CAMK2D: variants seen among roughly 807,000 people sequenced by gnomAD.
CAMK2D encodes the protein calcium/calmodulin-dependent protein kinase type II subunit delta.
CAMK2D carries 37 observed loss-of-function variants against 84.0 expected under a neutral mutation model. The ratio of observed to expected loss-of-function variants is 0.44; its 90% CI spans 0.34 to 0.58. The LOEUF is 0.58. Ranked by LOEUF, CAMK2D falls within the 20% of genes least tolerant of loss-of-function variation. The probability of loss-of-function intolerance (pLI) is 0.02; values close to 1 mark genes in which losing one functional copy is unlikely to be tolerated. For missense variants in CAMK2D, 448 were observed against 652.5 expected, an observed-to-expected ratio of 0.69 and a Z score of 3.41; for synonymous variants, 202 against 212.5, an observed-to-expected ratio of 0.95 and a Z score of 0.43.
intron 4 of CAMK2D, among the ~76,000 whole-genome samples, chr4:113,571,973 C>T (rs753222132): frequency 2.0e-5 from 3 of 152,060 alleles, no homozygotes; most frequent in Non-Finnish European, 2.9e-5. Context: ...CAAGAGCCAA[C>T]ATCAATCTTG....
At chr4:113,611,513 G>A (rs1022548460) in intron 3 of CAMK2D, among the ~76,000 whole-genome samples, 3 of 152,166 alleles carry the variant, frequency 2.0e-5, no homozygotes, top group African/African-American at 7.2e-5. Flanking sequence ...CTGTCTGAAG[G>A]TAAAAGCCTT....
intron 3 of CAMK2D, among the ~76,000 whole-genome samples, chr4:113,635,985 T>G (rs2099108549): frequency 6.6e-6 from 1 of 152,232 alleles, no homozygotes; most frequent in Non-Finnish European, 1.5e-5. Flanking sequence ...ATAACATTCC[T>G]GTTGCATGCT....
chr4:113,645,166 G>A (rs1253576993), intron 3 of CAMK2D, among the ~76,000 whole-genome samples: 8 of 151,936 alleles, frequency 5.3e-5, no homozygotes, highest in East Asian at 1.9e-4. Flanking sequence ...ACAGGCGCCC[G>A]CCACCACGCC....
intron 4 of CAMK2D, among the ~76,000 whole-genome samples, chr4:113,585,139 A>G (rs1358189388): frequency 2.0e-5 from 3 of 152,194 alleles, no homozygotes; most frequent in Admixed American, 6.5e-5. Context: ...CAATTTTTCC[A>G]CTAGAGGAGA....
At chr4:113,607,976 G>C (rs1258882398) in intron 4 of CAMK2D, among the ~76,000 whole-genome samples, 1 of 152,144 alleles carries the variant, frequency 6.6e-6, no homozygotes, top group Non-Finnish European at 1.5e-5. Context: ...ACAAATACCT[G>C]GTTTAGTGTG....
chr4:113,638,026 C>T (rs1165515805), intron 3 of CAMK2D, among the ~76,000 whole-genome samples: 1 of 152,178 alleles, frequency 6.6e-6, no homozygotes, highest in Non-Finnish European at 1.5e-5. Flanking sequence ...TATTACACAT[C>T]CACTCATCTC....
At chr4:113,709,765 ATATATATATATATATATGAGAG>A (rs1335880814) in intron 2 of CAMK2D, among the ~76,000 whole-genome samples, 1 of 119,208 alleles carries the variant, frequency 8.4e-6, no homozygotes, top group Non-Finnish European at 1.7e-5. Context: ...ATATATATAT[ATATATATATATATATATGAGAG>A]ACTTCACACT....
At chr4:113,515,220 TA>T (rs771639536) in intron 9 of CAMK2D, 29 bp from the exon 10 acceptor site, 3 of 1,528,820 alleles carry the variant, frequency 2.0e-6, no homozygotes, top group African/African-American at 2.8e-5. Flanking sequence ...ATAAAAAGTT[TA>T]AAAAATAGAC....
intron 4 of CAMK2D, among the ~76,000 whole-genome samples, chr4:113,586,510 C>T (rs1035667265): frequency 2.0e-5 from 3 of 152,192 alleles, no homozygotes; most frequent in African/African-American, 7.2e-5. Context: ...CTAATTTTTA[C>T]ATGTTATTGT....
intron 7 of CAMK2D, among the ~76,000 whole-genome samples, chr4:113,531,548 T>C (rs543715913): frequency 6.6e-6 from 1 of 152,316 alleles, no homozygotes; most frequent in South Asian, 2.1e-4. Context: ...CAATCTACTA[T>C]GCTGCAAAGT....
At chr4:113,465,743 C>G (rs1167161705) in intron 16 of CAMK2D, 139 bp from the exon 17 acceptor site, 1 of 605,200 alleles carries the variant, frequency 1.7e-6, no homozygotes, top group African/African-American at 1.9e-5. Flanking sequence ...CAGCTCCCTA[C>G]AGCCTTGACC....
At chr4:113,711,020 T>A (rs2099490587) in intron 2 of CAMK2D, among the ~76,000 whole-genome samples, 1 of 152,014 alleles carries the variant, frequency 6.6e-6, no homozygotes, top group Admixed American at 6.6e-5. Flanking sequence ...AGTTGTGCTA[T>A]CTTGTTTTAA....
chr4:113,590,545 C>T (rs2098866967), intron 4 of CAMK2D, among the ~76,000 whole-genome samples: 1 of 152,142 alleles, frequency 6.6e-6, no homozygotes, highest in African/African-American at 2.4e-5. Flanking sequence ...ACACGTCTAT[C>T]ACTACACGAG....
At chr4:113,708,927 G>A (rs1040393054) in intron 2 of CAMK2D, among the ~76,000 whole-genome samples, 7 of 152,104 alleles carry the variant, frequency 4.6e-5, no homozygotes, top group African/African-American at 1.7e-4. Context: ...TCACCATGTT[G>A]GCCAGGCTGG....
intron 4 of CAMK2D, among the ~76,000 whole-genome samples, chr4:113,553,864 A>G (rs1160735749): frequency 3.3e-5 from 5 of 152,186 alleles, no homozygotes; most frequent in Non-Finnish European, 7.4e-5. Flanking sequence ...GACAAAAAAC[A>G]CTTTCAACAA....
intron 3 of CAMK2D, among the ~76,000 whole-genome samples, chr4:113,657,147 G>GAA (rs986271492): frequency 6.6e-5 from 10 of 152,142 alleles, no homozygotes; most frequent in Non-Finnish European, 1.3e-4. Context: ...TGTTTGGAAT[G>GAA]AAGTTCAGTT....
At chr4:113,746,296 TA>T (rs1294644404) in intron 2 of CAMK2D, among the ~76,000 whole-genome samples, 1 of 152,220 alleles carries the variant, frequency 6.6e-6, no homozygotes, top group Non-Finnish European at 1.5e-5. Context: ...ACATATACCT[TA>T]AAACCTTCTA....
At chr4:113,568,193 G>C (rs2098734794) in intron 4 of CAMK2D, among the ~76,000 whole-genome samples, 1 of 152,102 alleles carries the variant, frequency 6.6e-6, no homozygotes, top group African/African-American at 2.4e-5. Context: ...AGAACTCCTG[G>C]TCATTCCAAA....
At chr4:113,703,111 A>G (rs927241753) in intron 2 of CAMK2D, among the ~76,000 whole-genome samples, 1 of 152,212 alleles carries the variant, frequency 6.6e-6, no homozygotes, top group Non-Finnish European at 1.5e-5. Context: ...TCATTTAAAC[A>G]GTACTCACTG....
Sources: gnomAD v4.1 joint callset for allele counts (sites outside exome capture counted in the v4.1 genomes callset) on GRCh38, gnomAD v4.1.1 for gene constraint, MANE v1.5 for transcripts, NCBI Gene and HGNC (gene_info 2026-07-23, HGNC 2026-07-21) for gene names.